Variants in ANO2 observed in about 807,000 individuals in gnomAD.
ANO2 encodes anoctamin 2.
ANO2 carries 101 observed loss-of-function variants against 124.2 expected under a neutral mutation model. That is an observed-to-expected ratio of 0.81 (90% CI 0.69 to 0.96). The LOEUF (loss-of-function observed/expected upper bound fraction) is 0.96, where lower values mean the gene tolerates loss of function less well. ANO2 is among the 40% of genes least tolerant of loss of function. ANO2 has a pLI of 0.00. For synonymous variants in ANO2, 486 were observed against 482.5 expected (o/e 1.01, Z -0.09); for missense variants, 1,293 against 1,274.5 (o/e 1.01, Z -0.22).
In ANO2 at chr12:5,873,196, G is replaced by GCTCGCTCTCT. The variant is rs1393522452; in HGVS notation, c.535-19056_535-19055insAGAGAGCGAG. Among the ~76,000 whole-genome samples the GCTCGCTCTCT allele has an allele frequency of 7.5e-3, 890 of 119,010 alleles. 15 individuals carry two copies. Among genetic ancestry groups the GCTCGCTCTCT allele is most frequent in the Middle Eastern group, 0.018 (3 of 168 alleles). 78.1% of individuals were successfully genotyped at this position (119,010 alleles called of 152,430 possible). On this transcript the variant is annotated intron_variant, in intron 3 of 24. Coordinates refer to ENST00000682330, the MANE Select transcript of ANO2 (RefSeq NM_001364791.2). ...AACTTTGTTACTTTTGCCTAAAGCA[G>GCTCGCTCTCT]CTCTCTCTCTCTCTCTCTCTCTCTC... is the stretch of plus-strand genomic sequence containing the variant.
intron 7 of ANO2, among the ~76,000 whole-genome samples, chr12:5,816,532 C>T (rs1338831345): frequency 6.6e-6 from 1 of 152,076 alleles, no homozygotes; most frequent in Non-Finnish European, 1.5e-5. Flanking sequence ...AAGACTCAGC[C>T]TAATTCCACT....
chr12:5,688,197 AGCAGTGGGGCTGAGCTCACC>A (rs1438355398), intron 14 of ANO2, among the ~76,000 whole-genome samples: 2 of 152,188 alleles, frequency 1.3e-5, no homozygotes, highest in Admixed American at 1.3e-4. Context: ...TCGGGACCTG[AGCAGTGGGGCTGAGCTCACC>A]CATTCTCTTG....
intron 16 of ANO2, among the ~76,000 whole-genome samples, chr12:5,633,699 C>T (rs1263160270): frequency 2.6e-5 from 4 of 152,194 alleles, no homozygotes; most frequent in Non-Finnish European, 5.9e-5. Context: ...TGGCATCCTG[C>T]GTACACTTCA....
chr12:5,887,622 C>G (rs1939024397), intron 3 of ANO2, among the ~76,000 whole-genome samples: 1 of 152,304 alleles, frequency 6.6e-6, no homozygotes, highest in South Asian at 2.1e-4. Context: ...TTTCAGACAT[C>G]AGTTGTTTCT....
At chr12:5,604,605 G>C (rs1944117852) in intron 19 of ANO2, among the ~76,000 whole-genome samples, 1 of 152,158 alleles carries the variant, frequency 6.6e-6, no homozygotes, top group Non-Finnish European at 1.5e-5. Flanking sequence ...GAAGACACAG[G>C]GGCTACGGGA....
intron 3 of ANO2, among the ~76,000 whole-genome samples, chr12:5,912,855 C>A (rs533370274): frequency 6.6e-6 from 1 of 152,200 alleles, no homozygotes. Flanking sequence ...AGCAGCGGCA[C>A]GACTGTTCCT....
At chr12:5,851,222 G>C (rs569892195) in intron 4 of ANO2, among the ~76,000 whole-genome samples, 1 of 152,306 alleles carries the variant, frequency 6.6e-6, no homozygotes, top group East Asian at 1.9e-4. Context: ...AACAGTTAAT[G>C]TATAGGGGCA....
At chr12:5,684,111 C>T (rs1324938439) in intron 14 of ANO2, among the ~76,000 whole-genome samples, 2 of 152,176 alleles carry the variant, frequency 1.3e-5, no homozygotes, top group African/African-American at 4.8e-5. Context: ...AGTATATGCC[C>T]TGGGACCCTT....
intron 10 of ANO2, among the ~76,000 whole-genome samples, chr12:5,782,828 C>A (rs11836134): frequency 0.15 from 22,521 of 152,182 alleles, 1,849 homozygotes; most frequent in African/African-American, 0.22. Flanking sequence ...AGAGCATGGG[C>A]TCCAATGGAA....
chr12:5,656,471 G>T (rs1348216716), intron 14 of ANO2, among the ~76,000 whole-genome samples: 1 of 125,712 alleles, frequency 8.0e-6, no homozygotes, highest in Non-Finnish European at 1.7e-5. Context: ...ACTCACATTT[G>T]ATCAGCCCCA....
chr12:5,846,996 A>T (rs1486048618), intron 4 of ANO2, among the ~76,000 whole-genome samples: 1 of 152,172 alleles, frequency 6.6e-6, no homozygotes, highest in African/African-American at 2.4e-5. Context: ...GGTTCATTTT[A>T]TGTGTCAACT....
intron 14 of ANO2, among the ~76,000 whole-genome samples, chr12:5,691,040 G>A (rs867890972): frequency 1.3e-5 from 2 of 152,108 alleles, no homozygotes; most frequent in Non-Finnish European, 2.9e-5. Flanking sequence ...AAAGAAATAA[G>A]CAAATAAGGC....
chr12:5,907,356 G>A (rs1050617803), intron 3 of ANO2, among the ~76,000 whole-genome samples: 2 of 152,188 alleles, frequency 1.3e-5, no homozygotes, highest in Admixed American at 6.5e-5. Context: ...AAATGGCTAC[G>A]CCTAAAATTA....
intron 14 of ANO2, among the ~76,000 whole-genome samples, chr12:5,704,873 G>GA: frequency 6.6e-6 from 1 of 152,254 alleles, no homozygotes; most frequent in Non-Finnish European, 1.5e-5. Flanking sequence ...AGAATTATCT[G>GA]AAAAATACAT....
Position 5,928,226 on chromosome 12 carries a change from AC to A in ANO2, c.23-5423del, listed in dbSNP as rs142464871. Among the ~76,000 whole-genome samples, 880 of 152,186 alleles carry A rather than the reference AC, an allele frequency of 5.8e-3. 8 individuals carry two copies. Among genetic ancestry groups the A allele is most frequent in the African/African-American group, 0.02 (831 of 41,488 alleles). ...TCTGAGTTTCCCTCTTGGCATCATT[AC>A]TGTCTCATTCCTAACTCCTGGTGGC... On this transcript the variant is annotated intron_variant, in intron 1 of 24. Coordinates refer to ENST00000682330, the MANE Select transcript of ANO2 (RefSeq NM_001364791.2).
At chr12:5,870,698 C>T (rs1955552030) in intron 3 of ANO2, among the ~76,000 whole-genome samples, 1 of 152,230 alleles carries the variant, frequency 6.6e-6, no homozygotes, top group African/African-American at 2.4e-5. Context: ...AGGTCCCTCC[C>T]TTCTTCTCAT....
At chr12:5,626,134 T>C (rs1945387191) in intron 16 of ANO2, among the ~76,000 whole-genome samples, 1 of 152,100 alleles carries the variant, frequency 6.6e-6, no homozygotes, top group Admixed American at 6.5e-5. Context: ...GGAGTGCATT[T>C]TGGCATCACT....
intron 12 of ANO2, among the ~76,000 whole-genome samples, chr12:5,742,427 CCT>C (rs34218904): frequency 0.14 from 21,217 of 152,074 alleles, 1,797 homozygotes; most frequent in African/African-American, 0.24. Flanking sequence ...CAATCTCACC[CCT>C]GAGTACTTTC....
At chr12:5,572,724 G>A (rs377589839) in intron 23 of ANO2, among the ~76,000 whole-genome samples, 2 of 152,122 alleles carry the variant, frequency 1.3e-5, no homozygotes, top group Admixed American at 6.5e-5. Flanking sequence ...AATGATGGAT[G>A]CTTCAAAGTC....
Sources: allele counts gnomAD v4.1 joint callset (sites outside exome capture counted in the v4.1 genomes callset), GRCh38; gene constraint gnomAD v4.1.1; transcripts MANE v1.5; gene names NCBI Gene and HGNC (gene_info 2026-07-23, HGNC 2026-07-21).